Variants in ZMYND11 observed in about 807,000 individuals in gnomAD.
The protein encoded by ZMYND11 is zinc finger MYND domain-containing protein 11.
A neutral mutation model predicts 84.9 loss-of-function variants in ZMYND11; 9 were observed. The ratio of observed to expected loss-of-function variants is 0.11; its 90% CI spans 0.06 to 0.18. The LOEUF (loss-of-function observed/expected upper bound fraction) is 0.18, where lower values mean the gene tolerates loss of function less well. Ranked by LOEUF, ZMYND11 falls within the 10% of genes least tolerant of loss-of-function variation. The pLI, the probability that ZMYND11 is intolerant of heterozygous loss-of-function variation, is 1.00. For missense variants in ZMYND11, 409 were observed against 761.0 expected (o/e 0.54, Z 5.44); for synonymous variants, 250 against 244.1 (o/e 1.02, Z -0.23).
At chr10:182,941 T>A (rs1175333941) in intron 2 of ZMYND11, among the ~76,000 whole-genome samples, 1 of 152,200 alleles carries the variant, frequency 6.6e-6, no homozygotes, top group Non-Finnish European at 1.5e-5. Flanking sequence ...ATAAAGATAA[T>A]CTTTTAAACT....
chr10:231,575 T>G (rs1949023439), intron 4 of ZMYND11, among the ~76,000 whole-genome samples: 1 of 152,196 alleles, frequency 6.6e-6, no homozygotes, highest in South Asian at 2.1e-4. Flanking sequence ...TAATGATCCT[T>G]GGGCATCATT....
chr10:214,974 C>G (rs1360245449), intron 3 of ZMYND11, among the ~76,000 whole-genome samples: 3 of 152,170 alleles, frequency 2.0e-5, no homozygotes, highest in African/African-American at 7.2e-5. Flanking sequence ...TTAACAAAGG[C>G]TTTAATGTAA....
intron 14 of ZMYND11, chr10:249,754 A>G: frequency 3.0e-6 from 3 of 985,354 alleles, no homozygotes; most frequent in Non-Finnish European, 3.6e-6. Context: ...ACTTGGTTTC[A>G]GTTTTAATAA....
At chr10:176,248 A>G (rs1286724670) in intron 1 of ZMYND11, among the ~76,000 whole-genome samples, 2 of 152,108 alleles carry the variant, frequency 1.3e-5, no homozygotes, top group African/African-American at 4.8e-5. Flanking sequence ...GGCTTATTAA[A>G]GTTACTCAGA....
chr10:161,871 A>G (rs1843004495), intron 1 of ZMYND11, among the ~76,000 whole-genome samples: 1 of 152,154 alleles, frequency 6.6e-6, no homozygotes, highest in Admixed American at 6.5e-5. Context: ...AAGCAGCAAT[A>G]AGGCTGTTTT....
chr10:139,870 C>T (rs540725016), intron 1 of ZMYND11, among the ~76,000 whole-genome samples: 1 of 152,152 alleles, frequency 6.6e-6, no homozygotes, highest in East Asian at 1.9e-4. Context: ...AGCCACCACG[C>T]CTGGCTAATT....
At chr10:138,179 G>A (rs1180570229) in intron 1 of ZMYND11, among the ~76,000 whole-genome samples, 2 of 141,402 alleles carry the variant, frequency 1.4e-5, no homozygotes, top group African/African-American at 2.7e-5. Context: ...GTGTGATCTC[G>A]GCTTACTGCA....
chr10:221,484 T>A, intron 4 of ZMYND11, 128 bp downstream of exon 4: 1 of 852,022 alleles, frequency 1.2e-6, no homozygotes, highest in Non-Finnish European at 1.8e-6. Context: ...GGTTATCTAA[T>A]GAAATGATGA....
intron 12 of ZMYND11, among the ~76,000 whole-genome samples, 192 bp from the exon 13 acceptor site, chr10:248,144 T>TG (rs1400069718): frequency 6.6e-6 from 1 of 152,214 alleles, no homozygotes; most frequent in Non-Finnish European, 1.5e-5. Context: ...ATTCACTAAT[T>TG]GGGGGAGATT....
chr10:180,153 C>G, intron 2 of ZMYND11, 25 bp downstream of exon 2: 1 of 1,580,242 alleles, frequency 6.3e-7, no homozygotes, highest in East Asian at 2.2e-5. Flanking sequence ...ACACAAATAT[C>G]TCTGTAAAAT....
chr10:201,542 C>T (rs1000030187), intron 2 of ZMYND11, among the ~76,000 whole-genome samples: 3 of 145,958 alleles, frequency 2.1e-5, no homozygotes, highest in African/African-American at 7.6e-5. Context: ...AGATTTCTTA[C>T]TTTTGTAAAA....
intron 2 of ZMYND11, among the ~76,000 whole-genome samples, chr10:208,653 C>G (rs1296952839): frequency 6.6e-6 from 1 of 152,130 alleles, no homozygotes; most frequent in Admixed American, 6.5e-5. Flanking sequence ...CACATTTTCC[C>G]CTTCAACATT....
At chr10:203,957 CTG>C (rs1943694460) in intron 2 of ZMYND11, among the ~76,000 whole-genome samples, 1 of 152,098 alleles carries the variant, frequency 6.6e-6, no homozygotes, top group Non-Finnish European at 1.5e-5. Context: ...CTTGTGAAAA[CTG>C]TGTAATAATC....
chr10:196,608 G>A (rs1209820846), intron 2 of ZMYND11, among the ~76,000 whole-genome samples: 2 of 152,098 alleles, frequency 1.3e-5, no homozygotes, highest in African/African-American at 4.8e-5. Context: ...TTAGAGTTGT[G>A]TTAATATAGA....
chr10:224,575 GA>G (rs994475309), intron 4 of ZMYND11, among the ~76,000 whole-genome samples: 91 of 152,274 alleles, frequency 6.0e-4, no homozygotes, highest in African/African-American at 2.0e-3. Flanking sequence ...TTTAGGATAA[GA>G]AAAAATTCCC....
intron 2 of ZMYND11, among the ~76,000 whole-genome samples, chr10:190,108 GGTAAAA>G (rs898185225): frequency 2.0e-5 from 3 of 152,124 alleles, no homozygotes; most frequent in African/African-American, 7.2e-5. Flanking sequence ...ATGTAGAAAT[GGTAAAA>G]GTAAAACACA....
chr10:207,564 T>C (rs1944419020), intron 2 of ZMYND11, among the ~76,000 whole-genome samples: 1 of 152,226 alleles, frequency 6.6e-6, no homozygotes, highest in African/African-American at 2.4e-5. Flanking sequence ...CATTGTGGTT[T>C]TGATTGGCAT....
intron 1 of ZMYND11, among the ~76,000 whole-genome samples, chr10:145,264 A>G (rs1838543387): frequency 6.6e-6 from 1 of 151,182 alleles, no homozygotes; most frequent in African/African-American, 2.4e-5. Context: ...ATATATGTAT[A>G]TATATATCAC....
chr10:247,334 T>G (rs1313774054), intron 11 of ZMYND11, 64 bp from the exon 12 acceptor site: 2 of 1,558,310 alleles, frequency 1.3e-6, no homozygotes, highest in Admixed American at 3.4e-5. Flanking sequence ...CCACTATGAG[T>G]GTTTTCAGCA....
Sources: gnomAD v4.1 joint callset for allele counts (sites outside exome capture counted in the v4.1 genomes callset) on GRCh38, gnomAD v4.1.1 for gene constraint, MANE v1.5 for transcripts, NCBI Gene and HGNC (gene_info 2026-07-23, HGNC 2026-07-21) for gene names.